GNA13: variants seen among roughly 807,000 people sequenced by gnomAD.
The protein encoded by GNA13 is guanine nucleotide-binding protein subunit alpha-13.
GNA13 carries 4 observed loss-of-function variants against 33.5 expected under a neutral mutation model. That is an observed-to-expected ratio of 0.12 (90% CI 0.06 to 0.27). GNA13 has a LOEUF of 0.27. GNA13 is among the 10% of genes least tolerant of loss of function. The probability of loss-of-function intolerance (pLI) is 1.00; values close to 1 mark genes in which losing one functional copy is unlikely to be tolerated. For synonymous variants in GNA13, 176 were observed against 183.8 expected (o/e 0.96, Z 0.34); for missense variants, 319 against 487.2 (o/e 0.65, Z 3.25).
chr17:65,036,165 C>T (rs985336231), intron 2 of GNA13, among the ~76,000 whole-genome samples: 4 of 152,196 alleles, frequency 2.6e-5, no homozygotes, highest in Non-Finnish European at 5.9e-5. Context: ...TCCACACAGC[C>T]TATAAGGAGC....
chr17:65,042,647 G>C (rs1907503181), intron 2 of GNA13, among the ~76,000 whole-genome samples: 1 of 151,764 alleles, frequency 6.6e-6, no homozygotes, highest in African/African-American at 2.4e-5. Flanking sequence ...CAAGGAAGGA[G>C]AATCACTTGA....
In GNA13 at chr17:65,010,489, C is replaced by A. The variant is rs1443356250; in HGVS notation, c.*3768G>T. 1.3e-5 allele frequency among the ~76,000 whole-genome samples: 2 copies of A among 151,970 alleles called. No individual in the cohort carries two copies. Among genetic ancestry groups the A allele is most frequent in the Non-Finnish European group, 2.9e-5 (2 of 68,028 alleles). ...ACTAGACTGAAAAGCCACCCTGTAT[C>A]CTATCATTAAAAAACAAAACAAAAC... On this transcript the variant is annotated 3_prime_UTR_variant, in exon 4 of 4. Coordinates refer to ENST00000439174, the MANE Select transcript of GNA13 (RefSeq NM_006572.6).
At chr17:65,056,251 A>ACC in intron 1 of GNA13, 60 bp downstream of exon 1, 6 of 740,718 alleles carry the variant, frequency 8.1e-6, no homozygotes, top group Non-Finnish European at 1.0e-5. Context: ...CCCGCCCCGC[A>ACC]CCCGCCGCCG....
intron 2 of GNA13, among the ~76,000 whole-genome samples, chr17:65,039,016 G>A (rs1907363134): frequency 6.6e-6 from 1 of 152,122 alleles, no homozygotes; most frequent in Admixed American, 6.5e-5. Context: ...GTAAACCAGG[G>A]ACTGTCTGTA....
Position 65,014,287 on chromosome 17 carries a change from A to G in GNA13, c.1104T>C (p.His368=). ...VFRDVKDTIL[H]DNLKQLMLQ ...GTAGCATAAGCTGCTTGAGGTTGTC[A>G]TGCAGAATAGTATCCTTCACGTCAC... is the stretch of plus-strand genomic sequence containing the variant. The change falls in exon 4 of 4, where the codon CAT becomes CAC. Residue 368 remains histidine, a synonymous_variant. Transcript: ENST00000439174. The surrounding 1 kb of genome is among the most constrained non-coding windows in gnomAD (Gnocchi z 5.3). 6.2e-7 allele frequency: 1 copy of G among 1,611,436 alleles called. No homozygotes were observed. The highest frequency in any genetic ancestry group is 1.7e-5 in the Admixed American group (1 of 60,026).
chr17:65,038,879 G>A (rs1220352977), intron 2 of GNA13, among the ~76,000 whole-genome samples: 3 of 152,274 alleles, frequency 2.0e-5, no homozygotes, highest in Middle Eastern at 6.8e-3. Flanking sequence ...ATCTCACAAC[G>A]TTTACTGAAT....
At chr17:65,025,798 T>G (rs904882546) in intron 2 of GNA13, among the ~76,000 whole-genome samples, 1 of 122,190 alleles carries the variant, frequency 8.2e-6, no homozygotes, top group Non-Finnish European at 1.6e-5. Context: ...CTAGAACACA[T>G]AGAGAGATCC....
At chr17:65,036,200 A>G (rs1208318558) in intron 2 of GNA13, among the ~76,000 whole-genome samples, 1 of 152,222 alleles carries the variant, frequency 6.6e-6, no homozygotes, top group Non-Finnish European at 1.5e-5. Context: ...CATCCTTCAC[A>G]GTCAGGCAGC....
chr17:65,010,666 T>C lies in GNA13; in HGVS notation c.*3591A>G. On this transcript the variant is annotated 3_prime_UTR_variant, in exon 4 of 4. Transcript: ENST00000439174. ...GTGAAAAAGACATGAGCAAAACTTC[T>C]GGTCTTAATTTCTCAAATAAAACTA... The C allele has an allele frequency of 4.9e-6, 1 of 205,124 alleles. No individual in the cohort carries two copies. The highest frequency in any genetic ancestry group is 1.0e-5 in the Non-Finnish European group (1 of 100,182). 12.7% of individuals were successfully genotyped at this position (205,124 alleles called of 1,614,324 possible). A position where few individuals can be genotyped will look rare whatever the true frequency, so the allele number is the denominator to read the frequency against.
intron 2 of GNA13, among the ~76,000 whole-genome samples, chr17:65,029,693 C>A (rs947674624): frequency 6.6e-6 from 1 of 152,180 alleles, no homozygotes; most frequent in Non-Finnish European, 1.5e-5. Flanking sequence ...CTCAAAATCT[C>A]TTTGCTACAC....
rs758878665 is a variant in GNA13, at chr17:65,056,628, C to G, written c.-35G>C. 15 of 1,580,174 alleles carry G rather than the reference C, an allele frequency of 9.5e-6. No homozygotes were observed. Among genetic ancestry groups the G allele is most frequent in the Non-Finnish European group, 8.6e-6 (10 of 1,165,826 alleles). On this transcript the variant is annotated 5_prime_UTR_variant, in exon 1 of 4. Coordinates refer to ENST00000439174, the MANE Select transcript of GNA13 (RefSeq NM_006572.6). ...GCCGCCGCCGCCTCGGCGGGCCCCT[C>G]CGGCTCCCTCCACCTCCTCCTCCGG...
At chr17:65,034,837 G>A (rs907297954) in intron 2 of GNA13, among the ~76,000 whole-genome samples, 4 of 152,096 alleles carry the variant, frequency 2.6e-5, no homozygotes, top group African/African-American at 9.7e-5. Flanking sequence ...CCAGGCTGGA[G>A]TGCAATGGCA....
chr17:65,049,165 A>G (rs1456017070), intron 2 of GNA13, among the ~76,000 whole-genome samples: 1 of 152,148 alleles, frequency 6.6e-6, no homozygotes, highest in Non-Finnish European at 1.5e-5. Context: ...GCTGGAGTGC[A>G]GTGGCATGAT....
intron 2 of GNA13, among the ~76,000 whole-genome samples, chr17:65,048,838 G>A (rs151132118): frequency 9.1e-4 from 138 of 152,268 alleles, no homozygotes; most frequent in Middle Eastern, 3.4e-3. Flanking sequence ...GCATTAATAA[G>A]TTTAATAATC....
At chr17:65,043,029 C>G (rs901114600) in intron 2 of GNA13, among the ~76,000 whole-genome samples, 5 of 152,080 alleles carry the variant, frequency 3.3e-5, no homozygotes, top group Non-Finnish European at 7.3e-5. Flanking sequence ...TATCTCATGT[C>G]CTCGTCACAA....
chr17:65,014,660 A>G lies in GNA13; in HGVS notation c.731T>C (p.Leu244Pro). 1 of 1,614,230 alleles carries G rather than the reference A, an allele frequency of 6.2e-7. No individual in the cohort carries two copies. The highest frequency in any genetic ancestry group is 8.5e-7 in the Non-Finnish European group (1 of 1,180,028). ...FECFDSVTSI[L>P]FLVSSSEFDQ... ...AAATTCACTTGAGGAAACAAGGAAA[A>G]GTATTGATGTCACACTGTCGAAACA... The change falls in exon 4 of 4, where the codon CTT (leucine) becomes CCT (proline). Residue 244 changes from leucine (L) to proline (P), a missense_variant. By Grantham distance (98) the Leu-to-Pro change is moderately conservative. Around this residue, in one of 4 missense-constraint regions of GNA13, gnomAD observed 134 missense variants for 241.3 expected, o/e 0.56. Coordinates refer to ENST00000439174, the MANE Select transcript of GNA13 (RefSeq NM_006572.6). The surrounding 1 kb of genome is among the most constrained non-coding windows in gnomAD (Gnocchi z 5.3).
chr17:65,040,856 G>T (rs761285081), intron 2 of GNA13, among the ~76,000 whole-genome samples: 1 of 152,124 alleles, frequency 6.6e-6, no homozygotes, highest in Non-Finnish European at 1.5e-5. Flanking sequence ...GTATACCCCC[G>T]TACATTCTCT....
chr17:65,031,993 T>C (rs536704644), intron 2 of GNA13, among the ~76,000 whole-genome samples: 1 of 146,828 alleles, frequency 6.8e-6, no homozygotes, highest in South Asian at 2.3e-4. Context: ...TTATCAATAA[T>C]TCGCATATGT....
intron 2 of GNA13, among the ~76,000 whole-genome samples, chr17:65,027,830 C>T (rs1042931574): frequency 2.0e-5 from 3 of 152,164 alleles, no homozygotes; most frequent in African/African-American, 4.8e-5. Flanking sequence ...CAAGGCTGGG[C>T]GTGGTGGCTC....
Sources: gnomAD v4.1 joint callset for allele counts (sites outside exome capture counted in the v4.1 genomes callset) on GRCh38, gnomAD v4.1.1 for gene constraint, gnomAD v4.1.1 regional missense constraint, Gnocchi (gnomAD v3.1) non-coding constraint, MANE v1.5 for transcripts, NCBI Gene and HGNC (gene_info 2026-07-23, HGNC 2026-07-21) for gene names.